SLC49A4: variants seen among roughly 807,000 people sequenced by gnomAD.
SLC49A4 encodes disrupted in renal cancer protein 2.
A neutral mutation model predicts 50.6 loss-of-function variants in SLC49A4; 36 were observed. The ratio of observed to expected loss-of-function variants is 0.71; its 90% CI spans 0.55 to 0.94. The LOEUF is 0.94. Among genes scored for constraint, SLC49A4 ranks in the 40% least tolerant of loss-of-function variants. The pLI, the probability that SLC49A4 is intolerant of heterozygous loss-of-function variation, is 0.00. For missense variants in SLC49A4, 503 were observed against 605.7 expected, an observed-to-expected ratio of 0.83 and a Z score of 1.78; for synonymous variants, 248 against 241.2, an observed-to-expected ratio of 1.03 and a Z score of -0.26.
chr3:122,858,241 A>G (rs17279897), intron 6 of SLC49A4, among the ~76,000 whole-genome samples: 15,255 of 152,260 alleles, frequency 0.1, 984 homozygotes, highest in South Asian at 0.18. Flanking sequence ...ATAGCAGACT[A>G]CAGTTGTCGG....
intron 3 of SLC49A4, among the ~76,000 whole-genome samples, chr3:122,830,601 C>T (rs981588940): frequency 6.6e-6 from 1 of 152,318 alleles, no homozygotes. Context: ...ACAGGAATAA[C>T]TGAATATCCA....
At chr3:122,810,466 A>C (rs1936282900) in intron 2 of SLC49A4, among the ~76,000 whole-genome samples, 1 of 152,190 alleles carries the variant, frequency 6.6e-6, no homozygotes, top group South Asian at 2.1e-4. Flanking sequence ...AAATATTATT[A>C]TATTGCTTTC....
chr3:122,850,873 A>G (rs148014684), intron 5 of SLC49A4, among the ~76,000 whole-genome samples: 240 of 152,192 alleles, frequency 1.6e-3, no homozygotes, highest in Non-Finnish European at 2.8e-3. Context: ...CCATCTTACT[A>G]TTGGTCTTTA....
In SLC49A4 at chr3:122,817,945, C is replaced by T. The variant is rs928495372; in HGVS notation, c.438-8855C>T. On this transcript the variant is annotated intron_variant, in intron 2 of 8. Transcript: ENST00000261038. ...TCTGTGCTGATGAAGCAGACACTGTCAGCTACTACTGATGGGAATGTAAAT... is the reference window on the plus strand; with the variant it reads ...TCTGTGCTGATGAAGCAGACACTGTTAGCTACTACTGATGGGAATGTAAAT... 3.6e-4 allele frequency among the ~76,000 whole-genome samples: 55 copies of T among 152,066 alleles called. 1 individual carries two copies. The highest frequency in any genetic ancestry group is 1.3e-3 in the African/African-American group (55 of 41,484).
At chr3:122,856,417 G>A (rs1404195678) in intron 6 of SLC49A4, 43 bp downstream of exon 6, 7 of 1,555,754 alleles carry the variant, frequency 4.5e-6, no homozygotes, top group Middle Eastern at 3.4e-4. Flanking sequence ...AGAGCAGGGG[G>A]AAAAAGCCTA....
At chr3:122,818,173 T>A (rs1326976821) in intron 2 of SLC49A4, among the ~76,000 whole-genome samples, 2 of 152,188 alleles carry the variant, frequency 1.3e-5, no homozygotes, top group Non-Finnish European at 2.9e-5. Context: ...TAAATGAGAT[T>A]TTATATATCT....
At chr3:122,837,092 C>T (rs1936697573) in intron 4 of SLC49A4, among the ~76,000 whole-genome samples, 1 of 152,168 alleles carries the variant, frequency 6.6e-6, no homozygotes, top group Non-Finnish European at 1.5e-5. Flanking sequence ...ACATTCCATG[C>T]TCATGGGTTG....
chr3:122,830,480 A>T (rs912135444), intron 3 of SLC49A4, among the ~76,000 whole-genome samples: 1 of 152,214 alleles, frequency 6.6e-6, no homozygotes, highest in African/African-American at 2.4e-5. Context: ...TAGAATAGAA[A>T]TGAGATTCTA....
At chr3:122,814,626 A>G (rs1244767722) in intron 2 of SLC49A4, among the ~76,000 whole-genome samples, 1 of 152,246 alleles carries the variant, frequency 6.6e-6, no homozygotes, top group Non-Finnish European at 1.5e-5. Context: ...TTGAGGCTCA[A>G]TAAGGTAGAA....
At chr3:122,844,916 A>G (rs535781607) in intron 4 of SLC49A4, among the ~76,000 whole-genome samples, 4 of 152,128 alleles carry the variant, frequency 2.6e-5, no homozygotes, top group African/African-American at 7.2e-5. Context: ...TTGTACATAT[A>G]TGTGTATATA....
chr3:122,803,982 A>G (rs962793840), intron 1 of SLC49A4, among the ~76,000 whole-genome samples: 1 of 152,206 alleles, frequency 6.6e-6, no homozygotes, highest in Non-Finnish European at 1.5e-5. Flanking sequence ...TAACAGTCCT[A>G]TATGTCTCAG....
chr3:122,821,730 C>T (rs1026310839), intron 2 of SLC49A4, among the ~76,000 whole-genome samples: 4 of 152,216 alleles, frequency 2.6e-5, no homozygotes, highest in African/African-American at 4.8e-5. Flanking sequence ...GTCCACTGTG[C>T]TTGAGACAGT....
chr3:122,829,984 G>T (rs1936587172), intron 3 of SLC49A4, among the ~76,000 whole-genome samples: 2 of 152,132 alleles, frequency 1.3e-5, no homozygotes, highest in Non-Finnish European at 2.9e-5. Context: ...TCTAAAAAAA[G>T]ATTTTAGCAA....
intron 4 of SLC49A4, among the ~76,000 whole-genome samples, chr3:122,842,028 C>G (rs1034148108): frequency 3.9e-5 from 6 of 152,074 alleles, no homozygotes; most frequent in Admixed American, 6.5e-5. Context: ...AACAATGCCA[C>G]TTAAGTAAAT....
intron 4 of SLC49A4, among the ~76,000 whole-genome samples, chr3:122,839,607 A>G (rs750826700): frequency 2.6e-5 from 4 of 152,178 alleles, no homozygotes; most frequent in Non-Finnish European, 4.4e-5. Context: ...TCAGAAGAAG[A>G]CATACAAACA....
At position 122,880,310 on chromosome 3, in the gene SLC49A4, G is replaced by T. The variant is rs189633122; in HGVS notation, c.*932G>T. On this transcript the variant is annotated 3_prime_UTR_variant, in exon 9 of 9. Coordinates refer to ENST00000261038, the MANE Select transcript of SLC49A4 (RefSeq NM_032839.3). ...ATAATTTATCACATTGAAACTTTCA[G>T]CTCTGTCGAATGATTTCTGAATTAC... The T allele has an allele frequency of 7.2e-4, 110 of 152,180 alleles. No individual in the cohort carries two copies. Among genetic ancestry groups the T allele is most frequent in the African/African-American group, 2.6e-3 (107 of 41,504 alleles). 9.4% of individuals were successfully genotyped at this position (152,180 alleles called of 1,614,324 possible). A position where few individuals can be genotyped will look rare whatever the true frequency, so the allele number is the denominator to read the frequency against.
chr3:122,835,176 T>G (rs11721137), intron 4 of SLC49A4, among the ~76,000 whole-genome samples: 14,381 of 152,058 alleles, frequency 0.095, 749 homozygotes, highest in East Asian at 0.14. Flanking sequence ...TTCCAAAAGA[T>G]TGAGAAAGCA....
In SLC49A4 at chr3:122,826,874, C is replaced by T. The variant is rs374265765; in HGVS notation, c.512C>T (p.Thr171Met). The change falls in exon 3 of 9, where the codon ACG (threonine) becomes ATG (methionine). Residue 171 changes from threonine (T) to methionine (M), a missense_variant. Transcript: ENST00000261038. ...ATGAATGCAGCACCATTTCTCTCTA[C>T]GACGTGGTTTTCTGCAGATGAAAGG... The part of the protein sequence containing the change: ...TVMNAAPFLS[T>M]TWFSADERAT... The T allele has an allele frequency of 2.8e-5, 45 of 1,614,000 alleles. No homozygotes were observed. The highest frequency in any genetic ancestry group is 3.6e-5 in the Non-Finnish European group (43 of 1,179,976).
At chr3:122,824,561 C>T (rs939618984) in intron 2 of SLC49A4, among the ~76,000 whole-genome samples, 1 of 151,904 alleles carries the variant, frequency 6.6e-6, no homozygotes, top group African/African-American at 2.4e-5. Context: ...CTTCTCTTCT[C>T]TTCTCTTCTT....
Sources: allele counts gnomAD v4.1 joint callset (sites outside exome capture counted in the v4.1 genomes callset), GRCh38; gene constraint gnomAD v4.1.1; transcripts MANE v1.5; gene names NCBI Gene and HGNC (gene_info 2026-07-23, HGNC 2026-07-21).